Variants in IGSF11 observed in about 807,000 individuals in gnomAD.
IGSF11 encodes immunoglobulin superfamily member 11.
A neutral mutation model predicts 41.0 loss-of-function variants in IGSF11; 22 were observed. That is an observed-to-expected ratio of 0.54 (90% confidence interval 0.38 to 0.77). The LOEUF (loss-of-function observed/expected upper bound fraction) is 0.77. Ranked by LOEUF, IGSF11 falls within the 30% of genes least tolerant of loss-of-function variation. The pLI is 0.00. For missense variants in IGSF11, 444 were observed against 530.8 expected, an observed-to-expected ratio of 0.84 and a Z score of 1.61; for synonymous variants, 219 against 201.3, an observed-to-expected ratio of 1.09 and a Z score of -0.74.
chr3:118,955,106 A>G (rs1182999802), intron 1 of IGSF11, among the ~76,000 whole-genome samples: 1 of 152,208 alleles, frequency 6.6e-6, no homozygotes, highest in Admixed American at 6.5e-5. Context: ...ATACTTTCAC[A>G]TGCATGTTTA....
intron 1 of IGSF11, among the ~76,000 whole-genome samples, chr3:119,062,864 A>G (rs1052785461): frequency 5.3e-5 from 8 of 152,170 alleles, no homozygotes; most frequent in African/African-American, 1.9e-4. Context: ...AGGCAGGATT[A>G]GGAAGGATTT....
intron 1 of IGSF11, among the ~76,000 whole-genome samples, chr3:118,966,535 C>CGAA (rs1269404031): frequency 1.3e-5 from 2 of 152,090 alleles, no homozygotes; most frequent in Non-Finnish European, 2.9e-5. Context: ...TTTGCATTTC[C>CGAA]CTTCGAGCAT....
At chr3:119,048,347 C>T (rs1209276150) in intron 1 of IGSF11, among the ~76,000 whole-genome samples, 1 of 151,884 alleles carries the variant, frequency 6.6e-6, no homozygotes, top group Non-Finnish European at 1.5e-5. Context: ...ATACAAACTA[C>T]CATCAGAGAA....
chr3:118,911,132 C>T (rs896081476), intron 4 of IGSF11, among the ~76,000 whole-genome samples: 2 of 151,882 alleles, frequency 1.3e-5, no homozygotes, highest in African/African-American at 4.8e-5. Context: ...CACACACACA[C>T]ACATATATGT....
chr3:119,114,722 A>G (rs1483150687), intron 1 of IGSF11, among the ~76,000 whole-genome samples: 1 of 152,134 alleles, frequency 6.6e-6, no homozygotes, highest in East Asian at 1.9e-4. Context: ...CCTGTTACCC[A>G]GTTTCAAAGT....
chr3:119,094,357 A>G (rs1210876666), intron 1 of IGSF11, among the ~76,000 whole-genome samples: 2 of 151,562 alleles, frequency 1.3e-5, no homozygotes, highest in South Asian at 2.1e-4. Context: ...CCTATAAACC[A>G]CAACATACAC....
chr3:119,133,983 A>T (rs2107542404), intron 1 of IGSF11, among the ~76,000 whole-genome samples: 1 of 152,354 alleles, frequency 6.6e-6, no homozygotes, highest in East Asian at 1.9e-4. Flanking sequence ...ATCTCAACAG[A>T]TGCAGAAAAG....
rs1001878242 is a variant in IGSF11 at position 119,103,118 on chromosome 3, C to G, written c.49+2026G>C. Among the ~76,000 whole-genome samples, 6 of 151,554 alleles carry G rather than the reference C, an allele frequency of 4.0e-5. 1 individual carries two copies. The highest frequency in any genetic ancestry group is 3.9e-4 in the East Asian group (2 of 5,116). On this transcript the variant is annotated intron_variant, in intron 1 of 6. Transcript: ENST00000354673. ...GTTCATGCCATTCTCCTGCCTCAGT[C>G]TCCCAAGTAGCTGGGACTACAGGTG...
At chr3:118,921,970 T>A (rs1941844040) in intron 4 of IGSF11, among the ~76,000 whole-genome samples, 1 of 151,516 alleles carries the variant, frequency 6.6e-6, no homozygotes, top group African/African-American at 2.4e-5. Flanking sequence ...GCTGCCAAAC[T>A]CATAAAATTA....
At chr3:119,039,612 C>A (rs1321094391), upstream of IGSF11, among the ~76,000 whole-genome samples, 1 of 152,150 alleles carries the variant, frequency 6.6e-6, no homozygotes, top group Admixed American at 6.5e-5. Flanking sequence ...TACCACAAGA[C>A]CCTACTGGAT....
intron 1 of IGSF11, among the ~76,000 whole-genome samples, chr3:118,952,225 C>T (rs966041502): frequency 1.3e-5 from 2 of 152,108 alleles, no homozygotes; most frequent in African/African-American, 4.8e-5. Context: ...AAGGTCTTGC[C>T]TCAATGTTGA....
intron 5 of IGSF11, 142 bp downstream of exon 5, chr3:118,905,454 C>G (rs1041447744): frequency 5.7e-6 from 5 of 871,586 alleles, no homozygotes; most frequent in Non-Finnish European, 8.7e-6. Context: ...AAACAATTTT[C>G]AATAATAATT....
At position 118,902,323 on chromosome 3, in the gene IGSF11, A is replaced by T. The variant is rs533719144; in HGVS notation, c.*197T>A. ...AATCCCAGGACATCTTTGGTGGGGA[A>T]GCAAGTCTTCATGATGGAGCATTTC... is the stretch of plus-strand genomic sequence containing the variant. On this transcript the variant is annotated 3_prime_UTR_variant, in exon 7 of 7. Coordinates refer to ENST00000393775, the MANE Select transcript of IGSF11 (RefSeq NM_001015887.3). 1 of 526,870 alleles carries T rather than the reference A, an allele frequency of 1.9e-6. No individual in the cohort carries two copies. The highest frequency in any genetic ancestry group is 1.9e-5 in the African/African-American group (1 of 53,016). The allele number at this position is 526,870 out of a possible 1,614,324, so 32.6% of individuals were successfully genotyped here. A position where few individuals can be genotyped will look rare whatever the true frequency, so the allele number is the denominator to read the frequency against.
At chr3:118,938,556 G>A (rs1943452848) in intron 1 of IGSF11, among the ~76,000 whole-genome samples, 1 of 152,202 alleles carries the variant, frequency 6.6e-6, no homozygotes. Context: ...GCTTTGCAGT[G>A]TTATGATGGA....
At position 119,005,959 on chromosome 3, in the gene IGSF11, G is replaced by A. The variant is rs1156354029; in HGVS notation, c.52+28572C>T. On this transcript the variant is annotated intron_variant, in intron 1 of 6. Coordinates refer to ENST00000393775, the MANE Select transcript of IGSF11 (RefSeq NM_001015887.3). The stretch of plus-strand genomic sequence containing the variant: ...TATGTGTCTTGGAGTTGTTCTTCTC[G>A]AGGAGTATCTTTGTGGCGTTCTCTG... 1.8e-3 allele frequency among the ~76,000 whole-genome samples: 247 copies of A among 136,594 alleles called. 1 individual carries two copies. The highest frequency in any genetic ancestry group is 7.0e-3 in the African/African-American group (224 of 32,222). 89.6% of individuals were successfully genotyped at this position (136,594 alleles called of 152,430 possible). A position where few individuals can be genotyped will look rare whatever the true frequency, so the allele number is the denominator to read the frequency against.
Position 118,902,105 on chromosome 3 carries a change from CTTG to C in IGSF11, c.*412_*414del, listed in dbSNP as rs1938935458. ...AGAGACGGAACATATCACAGGGTTG[CTTG>C]TTATTTTCTTAAAGACACCTACCTT... On this transcript the variant is annotated 3_prime_UTR_variant, in exon 7 of 7. Transcript: ENST00000393775. 1 of 170,718 alleles carries C rather than the reference CTTG, an allele frequency of 5.9e-6. No individual in the cohort carries two copies. Among genetic ancestry groups the C allele is most frequent in the Non-Finnish European group, 1.3e-5 (1 of 78,604 alleles). 10.6% of individuals were successfully genotyped at this position (170,718 alleles called of 1,614,324 possible). A position where few individuals can be genotyped will look rare whatever the true frequency, so the allele number is the denominator to read the frequency against.
intron 1 of IGSF11, among the ~76,000 whole-genome samples, chr3:119,102,775 G>C (rs2076957524): frequency 6.6e-6 from 1 of 151,866 alleles, no homozygotes; most frequent in Non-Finnish European, 1.5e-5. Flanking sequence ...AGTGTTTTAA[G>C]TTATATCTAG....
intron 1 of IGSF11, among the ~76,000 whole-genome samples, chr3:119,057,331 GACAA>G (rs1170521856): frequency 1.8e-4 from 28 of 152,182 alleles, no homozygotes; most frequent in Non-Finnish European, 2.9e-4. Context: ...ACCAATAACA[GACAA>G]ACAGAGAGCC....
intron 3 of IGSF11, 25 bp from the exon 4 acceptor site, chr3:118,926,281 A>G: frequency 6.5e-7 from 1 of 1,544,720 alleles, no homozygotes; most frequent in South Asian, 1.2e-5. Context: ...ATAAGCAATA[A>G]AGTACACATT....
Sources: allele counts gnomAD v4.1 joint callset (sites outside exome capture counted in the v4.1 genomes callset), GRCh38; gene constraint gnomAD v4.1.1; transcripts MANE v1.5; gene names NCBI Gene and HGNC (gene_info 2026-07-23, HGNC 2026-07-21).